The following HACD1 variants were observed in gnomAD, a reference collection of about 807,000 sequenced individuals.
HACD1 encodes the protein 3-hydroxyacyl-CoA dehydratase 1, also known as very-long-chain (3R)-3-hydroxyacyl-CoA dehydratase 1.
In HACD1, 41 loss-of-function variants were observed where a neutral mutation model predicts 32.0. That is an observed-to-expected ratio of 1.28 (90% CI 1.00 to 1.66). HACD1 has a LOEUF of 1.66. Ranked by LOEUF, HACD1 falls within the 40% of genes most tolerant of loss-of-function variation. HACD1 has a pLI of 0.00. For synonymous variants in HACD1, 142 were observed against 139.0 expected (o/e 1.02, Z -0.15); for missense variants, 396 against 380.1 (o/e 1.04, Z -0.35).
intron 1 of HACD1, among the ~76,000 whole-genome samples, chr10:17,614,938 G>C (rs1279284668): frequency 6.6e-6 from 1 of 152,022 alleles, no homozygotes; most frequent in Non-Finnish European, 1.5e-5. Flanking sequence ...ATTTTTAGTA[G>C]AGACGGGGTT....
chr10:17,615,915 C>A (rs781877449), intron 1 of HACD1: 2 of 407,360 alleles, frequency 4.9e-6, no homozygotes, highest in South Asian at 1.7e-5. Flanking sequence ...TGGCAGTGAG[C>A]GGAGATCGCG....
At chr10:17,592,850 A>AC (rs1215693179) in intron 6 of HACD1, among the ~76,000 whole-genome samples, 1 of 152,212 alleles carries the variant, frequency 6.6e-6, no homozygotes, top group Non-Finnish European at 1.5e-5. Flanking sequence ...GTGGTAGAAG[A>AC]CAAGGGGAAA....
At chr10:17,600,058 G>A (rs546588240) in intron 4 of HACD1, among the ~76,000 whole-genome samples, 62 of 152,214 alleles carry the variant, frequency 4.1e-4, no homozygotes, top group African/African-American at 1.4e-3. Flanking sequence ...ATCCTTGCTC[G>A]GAAATCTCTC....
At chr10:17,592,810 G>A (rs1833945845) in intron 6 of HACD1, among the ~76,000 whole-genome samples, 1 of 152,224 alleles carries the variant, frequency 6.6e-6, no homozygotes, top group Non-Finnish European at 1.5e-5. Context: ...ACTGGCTGGG[G>A]TAGAAAATCA....
Position 17,598,278 on chromosome 10 carries a change from A to AAAAG in HACD1, c.605+1011_605+1012insCTTT, listed in dbSNP as rs370233736. Among the ~76,000 whole-genome samples, 101 of 146,428 alleles carry AAAAG rather than the reference A, an allele frequency of 6.9e-4. 3 individuals carry two copies. In the South Asian group the frequency reaches 0.01, roughly 15 times the overall value. On this transcript the variant is annotated intron_variant, in intron 5 of 6. Transcript: ENST00000361271. Reference sequence around the variant, plus strand: ...CTGTCTCAAAAAAAAAAAAAAAAAAAAGAGAAAAAAACCCATAAAACACAA... The same window carrying AAAAG: ...CTGTCTCAAAAAAAAAAAAAAAAAAAAAAGAGAGAAAAAAACCCATAAAACACAA...
intron 6 of HACD1, among the ~76,000 whole-genome samples, chr10:17,593,567 G>A (rs1408194797): frequency 2.0e-5 from 3 of 152,124 alleles, no homozygotes; most frequent in East Asian, 1.9e-4. Flanking sequence ...CACCTGCCTC[G>A]GCCTCCCAAA....
chr10:17,600,578 A>T (rs781972138), intron 4 of HACD1, among the ~76,000 whole-genome samples: 1 of 151,952 alleles, frequency 6.6e-6, no homozygotes, highest in African/African-American at 2.4e-5. Flanking sequence ...TGCTTGCCTC[A>T]GCCTCCCAAA....
intron 1 of HACD1, among the ~76,000 whole-genome samples, chr10:17,608,426 C>T (rs1191247831): frequency 2.6e-5 from 4 of 152,138 alleles, no homozygotes; most frequent in Admixed American, 2.0e-4. Flanking sequence ...TTGCTATTTC[C>T]TTTGTATACC....
At chr10:17,597,576 A>G (rs1834010362) in intron 5 of HACD1, among the ~76,000 whole-genome samples, 1 of 152,256 alleles carries the variant, frequency 6.6e-6, no homozygotes, top group African/African-American at 2.4e-5. Flanking sequence ...TGCCAACCTC[A>G]GGAAAATATG....
intron 5 of HACD1, among the ~76,000 whole-genome samples, chr10:17,595,641 T>G (rs1421549601): frequency 2.6e-5 from 4 of 152,026 alleles, no homozygotes; most frequent in Admixed American, 6.6e-5. Flanking sequence ...TAGGAAACAC[T>G]CTGTGTTCTA....
Position 17,603,603 on chromosome 10 carries a change from G to A in HACD1, c.440C>T (p.Ser147Leu). 1 of 1,613,492 alleles carries A rather than the reference G, an allele frequency of 6.2e-7. No homozygotes were observed. The highest frequency in any genetic ancestry group is 8.5e-7 in the Non-Finnish European group (1 of 1,179,586). The stretch of plus-strand genomic sequence containing the variant: ...AATGAGCCACACCATAAAGATTCTT[G>A]AACTCACTTGGACCCCAGTCACAAT... ...SVIVTGVQVS[S>L]RIFMVWLITH... The change falls in exon 4 of 7, where the codon TCA becomes TTA. Residue 147 changes from serine to leucine, a missense_variant. By Grantham distance (145) the Ser-to-Leu change is moderately radical (BLOSUM62 -2). Transcript: ENST00000361271.
chr10:17,607,195 C>G (rs1388420563), intron 1 of HACD1, among the ~76,000 whole-genome samples: 1 of 152,190 alleles, frequency 6.6e-6, no homozygotes, highest in Non-Finnish European at 1.5e-5. Flanking sequence ...CCAGAACATT[C>G]AGTTACTTAC....
chr10:17,607,470 A>G (rs1224304600), intron 1 of HACD1, among the ~76,000 whole-genome samples: 7 of 152,206 alleles, frequency 4.6e-5, no homozygotes, highest in African/African-American at 1.7e-4. Flanking sequence ...TAAGAAAACA[A>G]AAAGTTTATT....
chr10:17,616,488 T>G (rs1278055359), intron 1 of HACD1, among the ~76,000 whole-genome samples: 1 of 152,014 alleles, frequency 6.6e-6, no homozygotes, highest in Non-Finnish European at 1.5e-5. Flanking sequence ...TAACCTTAAC[T>G]TGCAAAGTCA....
chr10:17,597,391 G>C (rs975424233), intron 5 of HACD1, among the ~76,000 whole-genome samples: 1 of 152,160 alleles, frequency 6.6e-6, no homozygotes, highest in Admixed American at 6.5e-5. Flanking sequence ...GCCCACCTTG[G>C]CCTCCCAAAG....
intron 5 of HACD1, among the ~76,000 whole-genome samples, chr10:17,598,374 T>C (rs1190449025): frequency 1.3e-5 from 2 of 152,122 alleles, no homozygotes; most frequent in Non-Finnish European, 2.9e-5. Flanking sequence ...TTTTGGTTTA[T>C]ATATTCTCAT....
chr10:17,596,506 T>C (rs1554816014), intron 5 of HACD1, among the ~76,000 whole-genome samples: 1 of 150,962 alleles, frequency 6.6e-6, no homozygotes, highest in African/African-American at 2.4e-5. Flanking sequence ...TTTGGCAGGA[T>C]TGTTCTTCAA....
intron 1 of HACD1, among the ~76,000 whole-genome samples, chr10:17,608,646 C>A (rs1190004225): frequency 6.6e-6 from 1 of 151,818 alleles, no homozygotes; most frequent in Non-Finnish European, 1.5e-5. Context: ...GCCACCATAC[C>A]CAGCTAATTT....
At chr10:17,606,712 CTTGT>C (rs1370335344) in intron 1 of HACD1, among the ~76,000 whole-genome samples, 6 of 152,144 alleles carry the variant, frequency 3.9e-5, no homozygotes, top group Non-Finnish European at 5.9e-5. Flanking sequence ...AAAGCAATGA[CTTGT>C]TTATCAGATT....
Sources: allele counts gnomAD v4.1 joint callset (sites outside exome capture counted in the v4.1 genomes callset), GRCh38; gene constraint gnomAD v4.1.1; transcripts MANE v1.5; gene names NCBI Gene and HGNC (gene_info 2026-07-23, HGNC 2026-07-21).